Variants in ZMYND11 observed in about 807,000 individuals in gnomAD.
ZMYND11 encodes zinc finger MYND-type containing 11.
A neutral mutation model predicts 84.9 loss-of-function variants in ZMYND11; 9 were observed. That is an observed-to-expected ratio of 0.11 (90% CI 0.06 to 0.18). The LOEUF (loss-of-function observed/expected upper bound fraction) is 0.18, where lower values mean the gene tolerates loss of function less well. Ranked by LOEUF, ZMYND11 falls within the 10% of genes least tolerant of loss-of-function variation. The pLI is 1.00. For missense variants in ZMYND11, 409 were observed against 761.0 expected (o/e 0.54, Z 5.44); for synonymous variants, 250 against 244.1 (o/e 1.02, Z -0.23).
At chr10:174,803 C>CA (rs1358151898) in intron 1 of ZMYND11, among the ~76,000 whole-genome samples, 1 of 151,628 alleles carries the variant, frequency 6.6e-6, no homozygotes, top group Non-Finnish European at 1.5e-5. Flanking sequence ...GGTCAAAACT[C>CA]ACGGGCACTA....
At chr10:150,037 C>T (rs1199914607) in intron 1 of ZMYND11, among the ~76,000 whole-genome samples, 1 of 152,198 alleles carries the variant, frequency 6.6e-6, no homozygotes, top group Non-Finnish European at 1.5e-5. Flanking sequence ...AGGATTTTTG[C>T]ATCAATGTTC....
chr10:241,723 C>A (rs895523786), intron 9 of ZMYND11, among the ~76,000 whole-genome samples: 1 of 149,546 alleles, frequency 6.7e-6, no homozygotes, highest in Non-Finnish European at 1.5e-5. Flanking sequence ...CCCAGGGGTG[C>A]TGGAGCTGCT....
intron 10 of ZMYND11, among the ~76,000 whole-genome samples, chr10:244,208 GA>G (rs1293880593): frequency 6.6e-6 from 1 of 152,148 alleles, no homozygotes; most frequent in Non-Finnish European, 1.5e-5. Flanking sequence ...TTATAATCAT[GA>G]ATTTTTAATT....
At chr10:183,217 G>C (rs1003780484) in intron 2 of ZMYND11, among the ~76,000 whole-genome samples, 17 of 141,938 alleles carry the variant, frequency 1.2e-4, no homozygotes, top group Admixed American at 1.0e-3. Flanking sequence ...CTTCTTTTTT[G>C]TTGTTGGTTT....
At chr10:238,484 G>A (rs1175517152) in intron 6 of ZMYND11, among the ~76,000 whole-genome samples, 1 of 152,052 alleles carries the variant, frequency 6.6e-6, no homozygotes, top group African/African-American at 2.4e-5. Flanking sequence ...AGCCTCCCGA[G>A]TAGCTGGGAC....
At chr10:206,011 GT>G (rs1944075046) in intron 2 of ZMYND11, among the ~76,000 whole-genome samples, 1 of 144,104 alleles carries the variant, frequency 6.9e-6, no homozygotes, top group African/African-American at 2.7e-5. Flanking sequence ...CTGTCCTAAG[GT>G]TGTTTTTTTT....
At chr10:213,252 A>G (rs1332979425) in intron 3 of ZMYND11, among the ~76,000 whole-genome samples, 3 of 152,188 alleles carry the variant, frequency 2.0e-5, no homozygotes, top group Non-Finnish European at 4.4e-5. Context: ...ACATACAACA[A>G]CAAGAGTGTC....
intron 4 of ZMYND11, among the ~76,000 whole-genome samples, chr10:229,069 T>G (rs1363931072): frequency 1.3e-5 from 2 of 152,234 alleles, no homozygotes; most frequent in Non-Finnish European, 2.9e-5. Flanking sequence ...AGCCCAGTAG[T>G]AGACTGGCTG....
At chr10:245,214 A>G (rs897865410) in intron 10 of ZMYND11, among the ~76,000 whole-genome samples, 1 of 152,240 alleles carries the variant, frequency 6.6e-6, no homozygotes, top group African/African-American at 2.4e-5. Flanking sequence ...TTGATATAAT[A>G]TTAACAATAT....
chr10:186,159 A>G (rs966064794), intron 2 of ZMYND11, among the ~76,000 whole-genome samples: 2 of 151,508 alleles, frequency 1.3e-5, no homozygotes, highest in African/African-American at 4.8e-5. Flanking sequence ...ACAGGCGCCC[A>G]CCAGGATGCC....
intron 10 of ZMYND11, among the ~76,000 whole-genome samples, chr10:243,319 G>T (rs957069686): frequency 6.6e-6 from 1 of 152,092 alleles, no homozygotes; most frequent in South Asian, 2.1e-4. Context: ...AAGGAATAAC[G>T]GGGGAAAGTT....
At chr10:131,413 A>C (rs1554749915), upstream of ZMYND11, among the ~76,000 whole-genome samples, 1 of 152,230 alleles carries the variant, frequency 6.6e-6, no homozygotes, top group African/African-American at 2.4e-5. Flanking sequence ...GCCCACAGGC[A>C]CTGGAACTAG....
intron 4 of ZMYND11, among the ~76,000 whole-genome samples, chr10:235,909 C>T (rs1016098187): frequency 3.9e-5 from 6 of 152,212 alleles, no homozygotes; most frequent in African/African-American, 1.4e-4. Context: ...CACTTAAGCC[C>T]TAGCTAAAAG....
At chr10:181,754 C>T (rs1847931749) in intron 2 of ZMYND11, among the ~76,000 whole-genome samples, 1 of 151,790 alleles carries the variant, frequency 6.6e-6, no homozygotes, top group Non-Finnish European at 1.5e-5. Context: ...ACTCCTTGCT[C>T]CTATAAGATA....
chr10:166,571 A>T (rs1186598877), intron 1 of ZMYND11, among the ~76,000 whole-genome samples: 12 of 152,142 alleles, frequency 7.9e-5, no homozygotes, highest in African/African-American at 2.7e-4. Flanking sequence ...GATTTTTTTT[A>T]AAGTAAAAAA....
chr10:162,671 G>A (rs1311171885), intron 1 of ZMYND11, among the ~76,000 whole-genome samples: 5 of 152,036 alleles, frequency 3.3e-5, no homozygotes, highest in African/African-American at 1.2e-4. Flanking sequence ...TCCTAGTATT[G>A]AACCATCATT....
chr10:209,693 T>C (rs1350213134), intron 2 of ZMYND11, among the ~76,000 whole-genome samples, 196 bp from the exon 3 acceptor site: 1 of 152,216 alleles, frequency 6.6e-6, no homozygotes, highest in Non-Finnish European at 1.5e-5. Flanking sequence ...AGCATGATAA[T>C]TGGAAGAGTT....
chr10:146,715 C>A (rs1272800959), intron 1 of ZMYND11, among the ~76,000 whole-genome samples: 1 of 152,216 alleles, frequency 6.6e-6, no homozygotes, highest in African/African-American at 2.4e-5. Context: ...AAAATCTCAT[C>A]TTGAATTGTA....
Position 248,322 on chromosome 10 carries a change from G to T in ZMYND11, c.1228-14G>T. On this transcript the variant is annotated splice_polypyrimidine_tract_variant and intron_variant, in intron 12 of 14. Transcript: ENST00000381604. ...GGCTTCGTTTGGCGTCTAAACTCTT[G>T]TCTCACCTTTTAGGAACCAGAGCCT... 3 of 1,610,306 alleles carry T rather than the reference G, an allele frequency of 1.9e-6. No homozygotes were observed. The highest frequency in any genetic ancestry group is 2.5e-6 in the Non-Finnish European group (3 of 1,177,634).
Sources: gnomAD v4.1 joint callset for allele counts (sites outside exome capture counted in the v4.1 genomes callset) on GRCh38, gnomAD v4.1.1 for gene constraint, MANE v1.5 for transcripts, NCBI Gene and HGNC (gene_info 2026-07-23, HGNC 2026-07-21) for gene names.